Variants in FTCDNL1 observed in about 807,000 individuals in gnomAD.
FTCDNL1 encodes the protein formiminotransferase cyclodeaminase N-terminal like.
FTCDNL1 carries 11 observed loss-of-function variants against 5.9 expected under a neutral mutation model. That is an observed-to-expected ratio of 1.87 (90% CI 1.18 to 3.10). The LOEUF is 3.10. FTCDNL1 is among the 30% of genes most tolerant of loss of function. FTCDNL1 has a pLI of 0.00. For missense variants in FTCDNL1, 115 were observed against 65.5 expected (o/e 1.76, Z -2.61); for synonymous variants, 58 against 24.8 (o/e 2.34, Z -3.99).
rs556228435 is a variant in FTCDNL1 at position 199,849,723 on chromosome 2, C to T, written c.-7-754G>A. ...AGAATAGCATTTTTGACACATCTTT[C>T]CATACTTCAAATGATATTCATGATC... On this transcript the variant is annotated intron_variant, in intron 1 of 4. Coordinates refer to ENST00000420128, the MANE Select transcript of FTCDNL1 (RefSeq NM_001363886.2). Among the ~76,000 whole-genome samples, 107 of 152,246 alleles carry T rather than the reference C, an allele frequency of 7.0e-4. No individual in the cohort carries two copies. In the Middle Eastern group the frequency reaches 0.01, roughly 15 times the overall value.
At chr2:199,751,534 G>A in the FTCDNL1 span, among the ~76,000 whole-genome samples, 2,384 of 152,178 alleles carry the variant, frequency 0.016, 21 homozygotes, top group Non-Finnish European at 0.026. Context: ...GTGGGGAATG[G>A]ATTGGAAGGA....
chr2:199,707,764 C>G, the FTCDNL1 span, among the ~76,000 whole-genome samples: 3 of 151,960 alleles, frequency 2.0e-5, no homozygotes, highest in African/African-American at 7.2e-5. Context: ...AAGATAGTAT[C>G]CCATTGTCTT....
the FTCDNL1 span, among the ~76,000 whole-genome samples, chr2:199,681,730 T>C: frequency 1.3e-5 from 2 of 152,216 alleles, no homozygotes; most frequent in Non-Finnish European, 2.9e-5. Context: ...CTCTTAGTGA[T>C]GAGGAATCAG....
the FTCDNL1 span, among the ~76,000 whole-genome samples, chr2:199,743,686 A>G: frequency 6.6e-6 from 1 of 151,456 alleles, no homozygotes; most frequent in Non-Finnish European, 1.5e-5. Flanking sequence ...GATGGTAATT[A>G]AGCCTCTTAG....
Position 199,784,450 on chromosome 2 carries a change from C to G in FTCDNL1, c.212-23615G>C, listed in dbSNP as rs115620811. Among the ~76,000 whole-genome samples the G allele has an allele frequency of 7.5e-3, 1,143 of 152,246 alleles. 5 individuals carry two copies. Among genetic ancestry groups the G allele is most frequent in the African/African-American group, 0.017 (691 of 41,528 alleles). ...CCAACCTGTGCCATGGGATTCAGCT[C>G]TAAAATCCCTGTTGTAGATCGTGTT... is the stretch of plus-strand genomic sequence containing the variant. On this transcript the variant is annotated intron_variant, in intron 3 of 3. Transcript: ENST00000416668.
intron 3 of FTCDNL1, among the ~76,000 whole-genome samples, chr2:199,834,792 G>A (rs1370805745): frequency 1.3e-5 from 2 of 152,192 alleles, no homozygotes; most frequent in Non-Finnish European, 2.9e-5. Flanking sequence ...GGAGTGAAGT[G>A]ACCTTCTTCT....
the FTCDNL1 span, among the ~76,000 whole-genome samples, chr2:199,750,355 CTAAATAAA>C: frequency 1.5e-3 from 223 of 148,712 alleles, no homozygotes; most frequent in African/African-American, 5.0e-3. Context: ...GAAATGTTGT[CTAAATAAA>C]TAAATAAATA....
At chr2:199,807,498 G>A (rs1024191642), downstream of FTCDNL1, among the ~76,000 whole-genome samples, 14 of 152,038 alleles carry the variant, frequency 9.2e-5, no homozygotes, top group African/African-American at 3.4e-4. Context: ...ATAGCTGAGT[G>A]TGATGATGTG....
chr2:199,771,759 C>T (rs114641259), intron 3 of FTCDNL1, among the ~76,000 whole-genome samples: 98 of 152,236 alleles, frequency 6.4e-4, no homozygotes, highest in African/African-American at 2.2e-3. Context: ...AGAGAACTGG[C>T]GTTGTATATC....
At chr2:199,791,963 T>C (rs556399655) in intron 3 of FTCDNL1, among the ~76,000 whole-genome samples, 1 of 152,240 alleles carries the variant, frequency 6.6e-6, no homozygotes, top group African/African-American at 2.4e-5. Flanking sequence ...ATAACAGTAC[T>C]AAAAGAATTA....
At chr2:199,771,285 T>C (rs1271218639) in intron 3 of FTCDNL1, among the ~76,000 whole-genome samples, 1 of 152,148 alleles carries the variant, frequency 6.6e-6, no homozygotes, top group Non-Finnish European at 1.5e-5. Flanking sequence ...AACATCGCCA[T>C]GTGGGTTTCA....
At chr2:199,702,125 C>T in the FTCDNL1 span, among the ~76,000 whole-genome samples, 9 of 151,814 alleles carry the variant, frequency 5.9e-5, no homozygotes, top group Admixed American at 1.3e-4. Context: ...CAACAGACAC[C>T]GGGGCCTGCT....
At chr2:199,741,903 C>T in the FTCDNL1 span, among the ~76,000 whole-genome samples, 1 of 152,096 alleles carries the variant, frequency 6.6e-6, no homozygotes, top group South Asian at 2.1e-4. Context: ...ATTAACATAT[C>T]GACGAATCTG....
chr2:199,720,688 A>G, the FTCDNL1 span, among the ~76,000 whole-genome samples: 8 of 152,308 alleles, frequency 5.3e-5, no homozygotes, highest in East Asian at 1.5e-3. Context: ...TTTAGGGCCC[A>G]ACATAATCCA....
intron 3 of FTCDNL1, among the ~76,000 whole-genome samples, chr2:199,822,901 A>G (rs1701786552): frequency 6.6e-6 from 1 of 152,138 alleles, no homozygotes; most frequent in Non-Finnish European, 1.5e-5. Context: ...CCCAGGCTGG[A>G]GTGCACTGGC....
At chr2:199,816,060 A>C (rs1426769719) in intron 4 of FTCDNL1, among the ~76,000 whole-genome samples, 1 of 152,150 alleles carries the variant, frequency 6.6e-6, no homozygotes, top group East Asian at 1.9e-4. Flanking sequence ...TTATTTTTTA[A>C]GGAAGAATAT....
At position 199,810,827 on chromosome 2, in the gene FTCDNL1, C is replaced by T. The variant is rs1700993570; in HGVS notation, c.*1878G>A. ...TGTGATCATTCCTTAGCTACTATTT[C>T]AACATTATTTTACTGTCATTACTTT... On this transcript the variant is annotated 3_prime_UTR_variant, in exon 5 of 5. Transcript: ENST00000420128. Among the ~76,000 whole-genome samples, 1 of 152,196 alleles carries T rather than the reference C, an allele frequency of 6.6e-6. No individual in the cohort carries two copies. Among genetic ancestry groups the T allele is most frequent in the Non-Finnish European group, 1.5e-5 (1 of 68,036 alleles).
chr2:199,771,577 TCTTA>T (rs1168300832), intron 3 of FTCDNL1, among the ~76,000 whole-genome samples: 1 of 152,358 alleles, frequency 6.6e-6, no homozygotes. Context: ...CTCATTAATT[TCTTA>T]TGGTATAAAA....
the FTCDNL1 span, among the ~76,000 whole-genome samples, chr2:199,710,351 T>G: frequency 6.6e-6 from 1 of 152,136 alleles, no homozygotes; most frequent in Non-Finnish European, 1.5e-5. Flanking sequence ...ATGGTGCTGT[T>G]GGTCATGAGT....
Sources: gnomAD v4.1 joint callset for allele counts (sites outside exome capture counted in the v4.1 genomes callset) on GRCh38, gnomAD v4.1.1 for gene constraint, MANE v1.5 for transcripts, NCBI Gene and HGNC (gene_info 2026-07-23, HGNC 2026-07-21) for gene names.